ZNF467: variants seen among roughly 807,000 people sequenced by gnomAD.
ZNF467 encodes the protein zinc finger protein EZI.
ZNF467 carries 51 observed loss-of-function variants against 47.8 expected under a neutral mutation model. The observed-to-expected ratio is 1.07, with a 90% confidence interval of 0.85 to 1.35. The LOEUF is 1.35. ZNF467 is among the 40% of genes most tolerant of loss of function. ZNF467 has a pLI of 0.00. For synonymous variants in ZNF467, 416 were observed against 372.9 expected (o/e 1.12, Z -1.33); for missense variants, 992 against 858.1 (o/e 1.16, Z -1.95).
In ZNF467 at chr7:149,764,835, G is replaced by C; in HGVS notation, c.1667C>G (p.Thr556Ser). ...PQCGKSFSRKTHLVRHQLIHG... is the reference protein window; with the variant it reads ...PQCGKSFSRKSHLVRHQLIHG... ...AATGAGCTGGTGCCGCACCAGGTGG[G>C]TCTTGCGGCTGAAGCTCTTTCCGCA... is the stretch of plus-strand genomic sequence containing the variant. The change falls in exon 5 of 5, where the codon ACC (threonine) becomes AGC (serine). Residue 556 changes from threonine to serine, a missense_variant. Thr to Ser is a moderately conservative substitution (Grantham distance 58). Coordinates refer to ENST00000302017, the MANE Select transcript of ZNF467 (RefSeq NM_207336.3). 1.9e-6 allele frequency: 3 copies of C among 1,546,824 alleles called. No homozygotes were observed. Among genetic ancestry groups the C allele is most frequent in the Non-Finnish European group, 2.6e-6 (3 of 1,147,076 alleles).
chr7:149,770,922 G>T, intron 2 of ZNF467, 77 bp downstream of exon 2: 1 of 1,593,892 alleles, frequency 6.3e-7, no homozygotes, highest in Non-Finnish European at 8.6e-7. Flanking sequence ...CCTGAGGGTG[G>T]CTCTGCTGTC....
At chr7:149,766,358 G>A in intron 4 of ZNF467, 119 bp from the exon 5 acceptor site, 1 of 1,448,508 alleles carries the variant, frequency 6.9e-7, no homozygotes, top group African/African-American at 1.4e-5. Flanking sequence ...TCTACCTAAC[G>A]CTTCCCGGGA....
chr7:149,776,382 G>A (rs543380198), upstream of ZNF467: 2 of 1,363,884 alleles, frequency 1.5e-6, no homozygotes, highest in East Asian at 9.1e-5. Context: ...TCCGTGTGGA[G>A]GAGGAAGTGG....
In ZNF467 at chr7:149,769,242, C is replaced by A; in HGVS notation, c.152-42G>T. 1 of 1,507,686 alleles carries A rather than the reference C, an allele frequency of 6.6e-7. No homozygotes were observed. The allele number at this position is 1,507,686 out of a possible 1,614,324, so 93.4% of individuals were successfully genotyped here. On this transcript the variant is annotated intron_variant, in intron 3 of 4. Transcript: ENST00000302017. The surrounding 1 kb of genome is among the most constrained non-coding windows in gnomAD (Gnocchi z 5.3). ...TACCTCAAGGACTCTGGAGACATCACAGATGGCCAAAGGGCCCCACTGGTG... is the reference window on the plus strand; with the variant it reads ...TACCTCAAGGACTCTGGAGACATCAAAGATGGCCAAAGGGCCCCACTGGTG...
chr7:149,769,803 C>T lies in ZNF467; in HGVS notation c.152-603G>A, dbSNP rs1799333802. ...TCAAGGGATCCTCCTGCCCCAGCCT[C>T]CCAAGTAGCTGGGAACACAGGCATG... On this transcript the variant is annotated intron_variant, in intron 3 of 4. Coordinates refer to ENST00000302017, the MANE Select transcript of ZNF467 (RefSeq NM_207336.3). The surrounding 1 kb of genome is among the most constrained non-coding windows in gnomAD (Gnocchi z 5.3). Among the ~76,000 whole-genome samples, 2 of 152,228 alleles carry T rather than the reference C, an allele frequency of 1.3e-5. No individual in the cohort carries two copies. Among genetic ancestry groups the T allele is most frequent in the Admixed American group, 1.3e-4 (2 of 15,288 alleles).
chr7:149,765,693 C>A lies in ZNF467; in HGVS notation c.809G>T (p.Arg270Leu). The change falls in exon 5 of 5, where the codon CGG becomes CTG. Residue 270 changes from arginine (R) to leucine (L), a missense_variant. Arg to Leu is a moderately radical substitution (Grantham distance 102). Transcript: ENST00000302017. The stretch of plus-strand genomic sequence containing the variant: ...CTCGCATTCCGTGCAGGGGAAGGGC[C>A]GCTCGCCGGTGTGGGTCTTTTGGTG... ...GSHQKTHTGE[R>L]PFPCTECEKR... 2 of 1,613,474 alleles carry A rather than the reference C, an allele frequency of 1.2e-6. No individual in the cohort carries two copies. Among genetic ancestry groups the A allele is most frequent in the Non-Finnish European group, 1.7e-6 (2 of 1,179,834 alleles).
chr7:149,774,796 G>A (rs1035447471), upstream of ZNF467, among the ~76,000 whole-genome samples: 7 of 152,082 alleles, frequency 4.6e-5, no homozygotes, highest in Non-Finnish European at 1.0e-4. The surrounding 1 kb of genome is among the most constrained non-coding windows in gnomAD (Gnocchi z 5.7). Flanking sequence ...CCAGTCATCC[G>A]TGACCCCCTG....
rs765767766 is a variant in ZNF467, at chr7:149,765,999, CGCCGCTCACACTCCCCGCA to C, written c.484_502del (p.Cys162AlafsTer6). ...TCGCAACGTCAGCTGGTCCCGGAAGCGCCGCTCACACTCCCCGCAGCCGTAGGGCTTCTCCGGCATCGGA... is the reference window on the plus strand; with the variant it reads ...TCGCAACGTCAGCTGGTCCCGGAAGCGCCGTAGGGCTTCTCCGGCATCGGA... On this transcript the variant is annotated frameshift_variant, in exon 5 of 5. Coordinates refer to ENST00000302017, the MANE Select transcript of ZNF467 (RefSeq NM_207336.3). LOFTEE classifies it high-confidence loss of function. The C allele has an allele frequency of 1.6e-5, 25 of 1,560,692 alleles. No individual in the cohort carries two copies. The highest frequency in any genetic ancestry group is 2.1e-5 in the Non-Finnish European group (24 of 1,153,186).
At chr7:149,775,580 G>A (rs1398456861), upstream of ZNF467, among the ~76,000 whole-genome samples, 2 of 152,194 alleles carry the variant, frequency 1.3e-5, no homozygotes, top group Non-Finnish European at 2.9e-5. Context: ...ACTGGAGTCT[G>A]AGACCTATTT....
At position 149,765,305 on chromosome 7, in the gene ZNF467, G is replaced by A; in HGVS notation, c.1197C>T (p.Ala399=). The A allele has an allele frequency of 1.4e-6, 2 of 1,473,986 alleles. No homozygotes were observed. Among genetic ancestry groups the A allele is most frequent in the East Asian group, 2.5e-5 (1 of 40,404 alleles). The allele number at this position is 1,473,986 out of a possible 1,614,324, so 91.3% of individuals were successfully genotyped here. ...CALGATVDAP[A]AKPLASAPGG... ...CAGGCGCGCTGGCCAGGGGCTTGGC[G>A]GCGGGGGCATCCACGGTGGCGCCCA... is the stretch of plus-strand genomic sequence containing the variant. Residue 399 remains alanine (A), a synonymous_variant, in exon 5 of 5, where the codon GCC becomes GCT. Coordinates refer to ENST00000302017, the MANE Select transcript of ZNF467 (RefSeq NM_207336.3).
Position 149,765,817 on chromosome 7 carries a change from C to G in ZNF467, c.685G>C (p.Ala229Pro). 4.3e-6 allele frequency: 7 copies of G among 1,610,112 alleles called. No individual in the cohort carries two copies. The highest frequency in any genetic ancestry group is 5.9e-6 in the Non-Finnish European group (7 of 1,178,524). ...GTGCGCAGGTGGCGGGTCAGATGGG[C>G]CTTCTTGCTGAAGCGCTTGTCGCAC... ...SECDKRFSKK[A>P]HLTRHLRTHT... The change falls in exon 5 of 5, where the codon GCC (alanine) becomes CCC (proline). Residue 229 changes from alanine (A) to proline (P), a missense_variant. Physicochemically the swap from Ala to Pro is conservative, Grantham distance 27. Transcript: ENST00000302017.
chr7:149,764,944 A>G lies in ZNF467; in HGVS notation c.1558T>C (p.Cys520Arg). 1.3e-6 allele frequency: 2 copies of G among 1,581,004 alleles called. No individual in the cohort carries two copies. Among genetic ancestry groups the G allele is most frequent in the Admixed American group, 1.8e-5 (1 of 54,792 alleles). The change falls in exon 5 of 5, where the codon TGC becomes CGC. Residue 520 changes from cysteine to arginine, a missense_variant. Physicochemically the swap from Cys to Arg is radical, Grantham distance 180 (BLOSUM62 -3). Transcript: ENST00000302017. ...GTTTTGGAGCTGAAGCTGCGGGCGC[A>G]GACGGCGCAGGCGTGGGGGCGGCTG... Reference protein sequence around the residue: ...TGSRPHACAVCARSFSSKTNL... With the variant: ...TGSRPHACAVRARSFSSKTNL...
chr7:149,765,194 G>A lies in ZNF467; in HGVS notation c.1308C>T (p.Cys436=), dbSNP rs1414523332. 6.6e-7 allele frequency: 1 copy of A among 1,504,284 alleles called. No individual in the cohort carries two copies. Among genetic ancestry groups the A allele is most frequent in the Non-Finnish European group, 8.8e-7 (1 of 1,130,970 alleles). The allele number at this position is 1,504,284 out of a possible 1,614,324, so 93.2% of individuals were successfully genotyped here. A position where few individuals can be genotyped will look rare whatever the true frequency, so the allele number is the denominator to read the frequency against. ...GCTGCCCATGGGAGAAGCCGCGCCC[G>A]CAGTCCGGGCAGAAGAAGGACCGCT... ...SGERSFFCPD[C]GRGFSHGQHL... The change falls in exon 5 of 5, where the codon TGC becomes TGT. Residue 436 remains cysteine, a synonymous_variant. Transcript: ENST00000302017.
rs1004691981 is a variant in ZNF467 at position 149,764,785 on chromosome 7, G to A, written c.1717C>T (p.Pro573Ser). 1.3e-6 allele frequency: 2 copies of A among 1,523,584 alleles called. No homozygotes were observed. Among genetic ancestry groups the A allele is most frequent in the Non-Finnish European group, 1.8e-6 (2 of 1,136,596 alleles). 94.4% of individuals were successfully genotyped at this position (1,523,584 alleles called of 1,614,324 possible). ...LIHGEAAHAA[P>S]DAALAAPAWS... Reference sequence around the variant, plus strand: ...GCTGGGGCCGCAAGGGCGGCGTCCGGGGCCGCGTGGGCGGCTTCGCCGTGA... The same window carrying A: ...GCTGGGGCCGCAAGGGCGGCGTCCGAGGCCGCGTGGGCGGCTTCGCCGTGA... Residue 573 changes from proline (P) to serine (S), a missense_variant, in exon 5 of 5, where the codon CCG becomes TCG. Coordinates refer to ENST00000302017, the MANE Select transcript of ZNF467 (RefSeq NM_207336.3).
At chr7:149,776,395 C>A (rs996787263), upstream of ZNF467, 5 of 1,362,924 alleles carry the variant, frequency 3.7e-6, no homozygotes, top group South Asian at 2.3e-5. Flanking sequence ...GGAAGTGGCA[C>A]CCCGTCAGGA....
rs1402975813 is a variant in ZNF467 at position 149,766,247 on chromosome 7, G to GT, written c.263-9dup. The GT allele has an allele frequency of 2.0e-6, 3 of 1,513,580 alleles. No individual in the cohort carries two copies. The African/African-American group carries it at 4.2e-5, about 21-fold the overall frequency. 93.8% of individuals were successfully genotyped at this position (1,513,580 alleles called of 1,614,324 possible). ...GAATCATCCACTCCTCTCCTGGAAA[G>GT]TCAAAACAAGAATTGTCTATTGAGC... On this transcript the variant is annotated splice_polypyrimidine_tract_variant and intron_variant, in intron 4 of 4. Transcript: ENST00000302017.
At chr7:149,771,733 TC>T (rs1330771090) in intron 1 of ZNF467, among the ~76,000 whole-genome samples, 10 of 7,288 alleles carry the variant, frequency 1.4e-3, no homozygotes, top group Non-Finnish European at 2.9e-3. Context: ...CAGACTCCCC[TC>T]CCCCATCTCC....
upstream of ZNF467, among the ~76,000 whole-genome samples, chr7:149,774,640 G>A (rs1330248734): frequency 6.6e-6 from 1 of 152,198 alleles, no homozygotes; most frequent in Non-Finnish European, 1.5e-5. The surrounding 1 kb of genome is among the most constrained non-coding windows in gnomAD (Gnocchi z 5.7). Context: ...AGTAGCATGT[G>A]TCACTGTGCG....
upstream of ZNF467, chr7:149,776,281 A>G (rs1043911150): frequency 3.5e-5 from 45 of 1,297,778 alleles, 1 homozygote; most frequent in East Asian, 1.3e-3. Context: ...GAGTGGTGTC[A>G]TAGGACAGGG....
Sources: gnomAD v4.1 joint callset for allele counts (sites outside exome capture counted in the v4.1 genomes callset) on GRCh38, gnomAD v4.1.1 for gene constraint, Gnocchi (gnomAD v3.1) non-coding constraint, MANE v1.5 for transcripts, NCBI Gene and HGNC (gene_info 2026-07-23, HGNC 2026-07-21) for gene names.